AAGAB: variants seen among roughly 807,000 people sequenced by gnomAD.
AAGAB encodes alpha- and gamma-adaptin-binding protein p34.
A neutral mutation model predicts 44.1 loss-of-function variants in AAGAB; 38 were observed. That is an observed-to-expected ratio of 0.86 (90% CI 0.67 to 1.13). AAGAB has a LOEUF of 1.13. Among genes scored for constraint, AAGAB ranks in the 50% most tolerant of loss-of-function variants. The probability of loss-of-function intolerance (pLI) is 0.00; values close to 1 mark genes in which losing one functional copy is unlikely to be tolerated. For missense variants in AAGAB, 450 were observed against 373.8 expected (o/e 1.20, Z -1.68); for synonymous variants, 131 against 131.8 (o/e 0.99, Z 0.04).
chr15:67,245,560 G>T lies in AAGAB; in HGVS notation c.74-8740C>A, dbSNP rs144723869. Among the ~76,000 whole-genome samples, 240 of 152,254 alleles carry T rather than the reference G, an allele frequency of 1.6e-3. 1 individual carries two copies. The highest frequency in any genetic ancestry group is 1.4e-3 in the Non-Finnish European group (98 of 68,024). ...ATTGTAATGATGGTTGCACAAATCC[G>T]TAAATGTATTAAAAAACACTGAATT... On this transcript the variant is annotated intron_variant, in intron 1 of 9. Coordinates refer to ENST00000261880, the MANE Select transcript of AAGAB (RefSeq NM_024666.5).
intron 1 of AAGAB, among the ~76,000 whole-genome samples, chr15:67,254,018 T>C (rs1043196374): frequency 6.6e-6 from 1 of 152,120 alleles, no homozygotes; most frequent in African/African-American, 2.4e-5. Flanking sequence ...ACCCAAAAAC[T>C]CATGTTGGCG....
At chr15:67,254,900 G>A (rs559840295), upstream of AAGAB, 3 of 1,613,732 alleles carry the variant, frequency 1.9e-6, no homozygotes, top group South Asian at 2.2e-5. Flanking sequence ...CCTAGCCATG[G>A]CACAGAACAC....
chr15:67,255,000 G>A, upstream of AAGAB: 2 of 1,549,094 alleles, frequency 1.3e-6, no homozygotes, highest in Non-Finnish European at 1.8e-6. Context: ...CCACTTCCGA[G>A]CGAGGTCCCG....
chr15:67,235,242 C>T (rs1318831014), intron 4 of AAGAB, among the ~76,000 whole-genome samples: 3 of 152,196 alleles, frequency 2.0e-5, no homozygotes, highest in Non-Finnish European at 2.9e-5. Context: ...ATAAGCTCTC[C>T]GGTCTCTAAA....
At position 67,224,839 on chromosome 15, in the gene AAGAB, C is replaced by A. The variant is rs538135305; in HGVS notation, c.535+6975G>T. Among the ~76,000 whole-genome samples, 3 of 152,152 alleles carry A rather than the reference C, an allele frequency of 2.0e-5. No homozygotes were observed. The East Asian group carries it at 5.8e-4, about 29-fold the overall frequency. ...CTACTGATCTGCCCAACTTGGCCTCCGAAAGTGCTGGGATTACAGGCATGA... is the reference window on the plus strand; with the variant it reads ...CTACTGATCTGCCCAACTTGGCCTCAGAAAGTGCTGGGATTACAGGCATGA... On this transcript the variant is annotated intron_variant, in intron 5 of 9. Coordinates refer to ENST00000261880, the MANE Select transcript of AAGAB (RefSeq NM_024666.5).
rs183567714 is a variant in AAGAB, at chr15:67,235,610, C to T, written c.451+369G>A. 4.0e-4 allele frequency among the ~76,000 whole-genome samples: 61 copies of T among 152,188 alleles called. 1 individual carries two copies. In the Middle Eastern group the frequency reaches 0.014, roughly 34 times the overall value. On this transcript the variant is annotated intron_variant, in intron 4 of 9. Coordinates refer to ENST00000261880, the MANE Select transcript of AAGAB (RefSeq NM_024666.5). Reference sequence around the variant, plus strand: ...CCCCTGCGATTCTTGGGAATTCAGCCTTAGGTTACTATGAATTCAAAATAA... The same window carrying T: ...CCCCTGCGATTCTTGGGAATTCAGCTTTAGGTTACTATGAATTCAAAATAA...
At chr15:67,238,535 G>C (rs1964522059) in intron 1 of AAGAB, among the ~76,000 whole-genome samples, 1 of 152,156 alleles carries the variant, frequency 6.6e-6, no homozygotes, top group Non-Finnish European at 1.5e-5. Flanking sequence ...GTAACACGTG[G>C]CTGTGTTTCT....
chr15:67,224,426 G>A (rs1964151717), intron 5 of AAGAB, among the ~76,000 whole-genome samples: 1 of 152,116 alleles, frequency 6.6e-6, no homozygotes, highest in Non-Finnish European at 1.5e-5. Flanking sequence ...CAGCACTGCT[G>A]ACCTTTGCGA....
chr15:67,225,465 T>C (rs1964182168), intron 5 of AAGAB, among the ~76,000 whole-genome samples: 1 of 152,222 alleles, frequency 6.6e-6, no homozygotes, highest in Admixed American at 6.5e-5. Context: ...CAGTGGTTTT[T>C]AGTATATTCA....
intron 1 of AAGAB, among the ~76,000 whole-genome samples, chr15:67,237,652 A>G (rs1964502354): frequency 6.6e-6 from 1 of 152,220 alleles, no homozygotes; most frequent in African/African-American, 2.4e-5. Context: ...AAGAGAAGTT[A>G]GAAGTTGTTC....
chr15:67,253,227 C>T (rs1044963858), intron 1 of AAGAB, among the ~76,000 whole-genome samples: 1 of 145,560 alleles, frequency 6.9e-6, no homozygotes, highest in African/African-American at 2.6e-5. Context: ...GAGTTCCAGA[C>T]CAGCCTGGGC....
At chr15:67,222,236 G>GCA (rs1428034588) in intron 5 of AAGAB, among the ~76,000 whole-genome samples, 5 of 39,234 alleles carry the variant, frequency 1.3e-4, no homozygotes, top group Non-Finnish European at 2.6e-4. Flanking sequence ...GCGCACGCGC[G>GCA]CGCGCGCACA....
At position 67,202,968 on chromosome 15, in the gene AAGAB, T is replaced by C. The variant is rs1035307727; in HGVS notation, c.871-70A>G. Reference sequence around the variant, plus strand: ...TCAGCTTGTTTCATATGTCATACCTTAAACTGACTGAGACCTAAAATTCTG... The same window carrying C: ...TCAGCTTGTTTCATATGTCATACCTCAAACTGACTGAGACCTAAAATTCTG... On this transcript the variant is annotated intron_variant, in intron 9 of 9. Coordinates refer to ENST00000261880, the MANE Select transcript of AAGAB (RefSeq NM_024666.5). 4.8e-6 allele frequency: 7 copies of C among 1,444,586 alleles called. No individual in the cohort carries two copies. The African/African-American group carries it at 9.8e-5, about 20-fold the overall frequency. The allele number at this position is 1,444,586 out of a possible 1,614,324, so 89.5% of individuals were successfully genotyped here.
chr15:67,240,668 T>TAACTTTTTA (rs1964575358), intron 1 of AAGAB, among the ~76,000 whole-genome samples: 2 of 152,238 alleles, frequency 1.3e-5, no homozygotes, highest in African/African-American at 4.8e-5. Flanking sequence ...TACAAAGCCA[T>TAACTTTTTA]CAATTCTCCA....
chr15:67,219,665 G>A (rs1370667562), intron 5 of AAGAB, among the ~76,000 whole-genome samples: 1 of 152,160 alleles, frequency 6.6e-6, no homozygotes, highest in South Asian at 2.1e-4. Flanking sequence ...AAAGTGGGAG[G>A]GAGGGGGGCA....
At chr15:67,240,053 G>A (rs138540491) in intron 1 of AAGAB, among the ~76,000 whole-genome samples, 1 of 152,268 alleles carries the variant, frequency 6.6e-6, no homozygotes, top group African/African-American at 2.4e-5. Flanking sequence ...CACCTGAGCT[G>A]GATCACACTT....
At chr15:67,237,749 A>T (rs1964504926) in intron 1 of AAGAB, among the ~76,000 whole-genome samples, 1 of 152,202 alleles carries the variant, frequency 6.6e-6, no homozygotes, top group South Asian at 2.1e-4. Context: ...GTAAAATGAC[A>T]TGCCATTAAT....
chr15:67,246,626 C>G (rs1022135450), intron 1 of AAGAB, among the ~76,000 whole-genome samples: 2 of 151,962 alleles, frequency 1.3e-5, no homozygotes, highest in Non-Finnish European at 2.9e-5. Context: ...GGATTGTAAA[C>G]ACACCAATCA....
intron 5 of AAGAB, among the ~76,000 whole-genome samples, chr15:67,211,885 CTT>C (rs11397902): frequency 6.8e-6 from 1 of 147,826 alleles, no homozygotes; most frequent in Admixed American, 6.7e-5. Flanking sequence ...ATGCCTAATT[CTT>C]TTTTTTTTTT....
Sources: allele counts gnomAD v4.1 joint callset (sites outside exome capture counted in the v4.1 genomes callset), GRCh38; gene constraint gnomAD v4.1.1; transcripts MANE v1.5; gene names NCBI Gene and HGNC (gene_info 2026-07-23, HGNC 2026-07-21).